Variants in WDR26 observed in about 807,000 individuals in gnomAD.
WDR26 encodes WD repeat domain 26, also known as WD repeat-containing protein 26.
Under a neutral mutation model 84.1 loss-of-function variants are expected in WDR26, and 5 were observed. That is an observed-to-expected ratio of 0.06 (90% CI 0.03 to 0.13). The LOEUF is 0.13. Ranked by LOEUF, WDR26 falls within the 10% of genes least tolerant of loss-of-function variation. The probability of loss-of-function intolerance (pLI) is 1.00; values close to 1 mark genes in which losing one functional copy is unlikely to be tolerated. For missense variants in WDR26, 642 were observed against 974.9 expected (o/e 0.66, Z 4.55); for synonymous variants, 415 against 389.6 (o/e 1.07, Z -0.77).
chr1:224,423,197 AAC>A (rs1418608237), intron 4 of WDR26, among the ~76,000 whole-genome samples: 1 of 152,184 alleles, frequency 6.6e-6, no homozygotes, highest in Non-Finnish European at 1.5e-5. Flanking sequence ...GACATCTTTG[AAC>A]AGAGATAGTT....
Position 224,434,231 on chromosome 1 carries a change from A to C in WDR26, c.175T>G (p.Ser59Ala). The change falls in exon 1 of 14, where the codon TCG (serine) becomes GCG (alanine). Residue 59 changes from serine to alanine, a missense_variant. Physicochemically the swap from Ser to Ala is moderately conservative, Grantham distance 99 (BLOSUM62 1). Around this residue, in one of 2 missense-constraint regions of WDR26, gnomAD observed 291 missense variants for 302.1 expected, o/e 0.96. Coordinates refer to ENST00000414423, the MANE Select transcript of WDR26 (RefSeq NM_001379403.1). ...GAGGAGGAGGAGGAGGAGGAGGACG[A>C]GGACGACGAGGACGGAGGGGAGAGG... The C allele has an allele frequency of 1.2e-5, 17 of 1,378,284 alleles. No individual in the cohort carries two copies. Among genetic ancestry groups the C allele is most frequent in the Non-Finnish European group, 1.6e-5 (17 of 1,066,898 alleles). 85.4% of individuals were successfully genotyped at this position (1,378,284 alleles called of 1,614,324 possible).
chr1:224,415,134 T>C (rs1251998922), intron 6 of WDR26, among the ~76,000 whole-genome samples: 1 of 152,238 alleles, frequency 6.6e-6, no homozygotes, highest in Non-Finnish European at 1.5e-5. Context: ...ATTATTCTCT[T>C]AGTGACTTTA....
At position 224,431,492 on chromosome 1, in the gene WDR26, C is replaced by A. The variant is rs796052140; in HGVS notation, c.912G>T (p.Leu304Phe). 6.2e-7 allele frequency: 1 copy of A among 1,613,918 alleles called. No homozygotes were observed. Among genetic ancestry groups the A allele is most frequent in the African/African-American group, 1.3e-5 (1 of 75,022 alleles). The change falls in exon 3 of 14, where the codon TTG becomes TTT. Residue 304 changes from leucine (L) to phenylalanine (F), a missense_variant. Leu to Phe is a conservative substitution (Grantham distance 22). This residue lies in a region of WDR26 where 351 missense variants were observed against 672.8 expected (regional missense o/e 0.52). Transcript: ENST00000414423. ...GTGTATTTACCACAATTATTCCCAA[C>A]AACGTTTGAGAGATTTCAAGTGCGC...
chr1:224,428,761 C>T (rs1175877648), intron 3 of WDR26, among the ~76,000 whole-genome samples: 3 of 150,050 alleles, frequency 2.0e-5, no homozygotes, highest in Admixed American at 6.6e-5. Flanking sequence ...AAAAAATTAG[C>T]CAGGCTTGGT....
rs1347388214 is a variant in WDR26, at chr1:224,398,378, C to G, written c.1944+137G>C. 1.8e-5 allele frequency: 22 copies of G among 1,247,966 alleles called. No homozygotes were observed. The South Asian group carries it at 2.8e-4, about 16-fold the overall frequency. 77.3% of individuals were successfully genotyped at this position (1,247,966 alleles called of 1,614,324 possible). On this transcript the variant is annotated intron_variant, in intron 11 of 13. Transcript: ENST00000414423. ...TGACAAATTTATGGTTGATTATACA[C>G]ATTTAAGGATCAATCACATGCAATC...
rs1673393179 is a variant in WDR26 at position 224,400,859 on chromosome 1, T to C, written c.1719+91A>G. 10 of 1,530,674 alleles carry C rather than the reference T, an allele frequency of 6.5e-6. No individual in the cohort carries two copies. The East Asian group carries it at 2.3e-4, about 36-fold the overall frequency. The allele number at this position is 1,530,674 out of a possible 1,614,324, so 94.8% of individuals were successfully genotyped here. Reference sequence around the variant, plus strand: ...CCATGCCTGGCCCACAGAGTATACTTTGTAAGATACTGAGTCAAGGAAATT... The same window carrying C: ...CCATGCCTGGCCCACAGAGTATACTCTGTAAGATACTGAGTCAAGGAAATT... On this transcript the variant is annotated intron_variant, in intron 9 of 13. Transcript: ENST00000414423.
chr1:224,406,391 TG>T (rs930873004), intron 7 of WDR26, among the ~76,000 whole-genome samples: 3 of 150,930 alleles, frequency 2.0e-5, no homozygotes, highest in African/African-American at 7.3e-5. Context: ...GCTTTGAGCC[TG>T]GGGGGATGGG....
At chr1:224,400,798 G>A (rs917075622) in intron 9 of WDR26, 152 bp downstream of exon 9, 16 of 1,010,300 alleles carry the variant, frequency 1.6e-5, no homozygotes, top group African/African-American at 5.1e-5. Context: ...CACCTGCCTC[G>A]GCCTCCCAAA....
At chr1:224,400,925 T>G (rs1230917122) in intron 9 of WDR26, 25 bp downstream of exon 9, 13 of 1,604,972 alleles carry the variant, frequency 8.1e-6, no homozygotes, top group Non-Finnish European at 1.1e-5. Flanking sequence ...CAACAGATAC[T>G]GGGAAGGGGG....
At chr1:224,407,485 G>A (rs1448564282) in intron 7 of WDR26, among the ~76,000 whole-genome samples, 1 of 125,542 alleles carries the variant, frequency 8.0e-6, no homozygotes, top group Non-Finnish European at 1.6e-5. Context: ...TTCAAAAAGG[G>A]CATATATATA....
chr1:224,433,971 C>A lies in WDR26; in HGVS notation c.435G>T (p.Ser145=), dbSNP rs1482697400. ...CCAGGTCCCCCGCGGACGACGACGA[C>A]GAGGGGGACGACTCCCCGTTCTGGG... is the stretch of plus-strand genomic sequence containing the variant. Residue 145 remains serine (S), a synonymous_variant, in exon 1 of 14, where the codon TCG becomes TCT. Coordinates refer to ENST00000414423, the MANE Select transcript of WDR26 (RefSeq NM_001379403.1). The A allele has an allele frequency of 1.2e-5, 18 of 1,529,524 alleles. No individual in the cohort carries two copies. The highest frequency in any genetic ancestry group is 1.6e-5 in the Non-Finnish European group (18 of 1,141,780). The allele number at this position is 1,529,524 out of a possible 1,614,324, so 94.7% of individuals were successfully genotyped here.
intron 7 of WDR26, among the ~76,000 whole-genome samples, chr1:224,405,416 C>T (rs1027715691): frequency 6.6e-6 from 1 of 152,006 alleles, no homozygotes; most frequent in African/African-American, 2.4e-5. Context: ...CATATGTTTC[C>T]ATTTCTCTTG....
chr1:224,432,362 GCTT>G (rs1366016866), intron 1 of WDR26, among the ~76,000 whole-genome samples: 2 of 152,100 alleles, frequency 1.3e-5, no homozygotes, highest in East Asian at 1.9e-4. Flanking sequence ...CTGTCAGCTT[GCTT>G]CTTGTCTCAG....
chr1:224,392,493 C>T (rs980853351), intron 13 of WDR26, among the ~76,000 whole-genome samples: 6 of 152,034 alleles, frequency 3.9e-5, no homozygotes, highest in African/African-American at 1.4e-4. Context: ...ATGAGAAAAG[C>T]ACAGATTGAA....
rs1673961533 is a variant in WDR26 at position 224,418,193 on chromosome 1, TA to T, written c.1319+66del. 5.6e-6 allele frequency: 8 copies of T among 1,435,560 alleles called. No homozygotes were observed. In the East Asian group the frequency reaches 7.0e-5, roughly 13 times the overall value. 88.9% of individuals were successfully genotyped at this position (1,435,560 alleles called of 1,614,324 possible). A position where few individuals can be genotyped will look rare whatever the true frequency, so the allele number is the denominator to read the frequency against. On this transcript the variant is annotated intron_variant, in intron 6 of 13. Transcript: ENST00000414423. ...GTTATATAGCTACAGGATAAGACTC[TA>T]AAAAAGAAAACTAAAATTTTGTAAA...
At chr1:224,407,894 C>T (rs982222224) in intron 7 of WDR26, among the ~76,000 whole-genome samples, 1 of 152,022 alleles carries the variant, frequency 6.6e-6, no homozygotes, top group African/African-American at 2.4e-5. Flanking sequence ...CCAAACAGTC[C>T]CAGAGGACTC....
chr1:224,391,363 CAAAAAAAAA>C (rs869213487), intron 13 of WDR26, among the ~76,000 whole-genome samples: 21 of 89,146 alleles, frequency 2.4e-4, no homozygotes, highest in Admixed American at 2.3e-4. Flanking sequence ...AACTCTGTCT[CAAAAAAAAA>C]AAAAAAAAAA....
chr1:224,406,280 T>G (rs988939717), intron 7 of WDR26, among the ~76,000 whole-genome samples: 1 of 152,054 alleles, frequency 6.6e-6, no homozygotes, highest in South Asian at 2.1e-4. Flanking sequence ...GTTTAGGGGA[T>G]AGGGATGGAT....
intron 1 of WDR26, among the ~76,000 whole-genome samples, chr1:224,432,415 C>G (rs1674418662): frequency 6.6e-6 from 1 of 152,202 alleles, no homozygotes; most frequent in Admixed American, 6.5e-5. Context: ...TGTTTTCATA[C>G]TAATCCTTTT....
Sources: allele counts gnomAD v4.1 joint callset (sites outside exome capture counted in the v4.1 genomes callset), GRCh38; gene constraint gnomAD v4.1.1; regional missense constraint gnomAD v4.1.1; transcripts MANE v1.5; gene names NCBI Gene and HGNC (gene_info 2026-07-23, HGNC 2026-07-21).